RBMS3: variants seen among roughly 807,000 people sequenced by gnomAD.
The protein encoded by RBMS3 is RNA-binding motif, single-stranded-interacting protein 3.
RBMS3 carries 27 observed loss-of-function variants against 66.8 expected under a neutral mutation model. That is an observed-to-expected ratio of 0.40 (90% CI 0.30 to 0.56). The LOEUF (loss-of-function observed/expected upper bound fraction) is 0.56. Ranked by LOEUF, RBMS3 falls within the 20% of genes least tolerant of loss-of-function variation. The pLI, the probability that RBMS3 is intolerant of heterozygous loss-of-function variation, is 0.40. For synonymous variants in RBMS3, 188 were observed against 183.0 expected (o/e 1.03, Z -0.22); for missense variants, 513 against 549.5 (o/e 0.93, Z 0.66).
chr3:29,584,257 T>C (rs1250126088), intron 3 of RBMS3, among the ~76,000 whole-genome samples: 1 of 151,988 alleles, frequency 6.6e-6, no homozygotes, highest in Non-Finnish European at 1.5e-5. Context: ...AGACATCTGA[T>C]TCCCTTTTCA....
chr3:29,981,831 G>A (rs773199034), intron 12 of RBMS3, among the ~76,000 whole-genome samples: 2 of 152,148 alleles, frequency 1.3e-5, no homozygotes, highest in Admixed American at 6.5e-5. Context: ...CAGTTTGCCA[G>A]TATTTTATTG....
chr3:29,946,279 A>C (rs909371978), intron 12 of RBMS3, among the ~76,000 whole-genome samples: 8 of 151,706 alleles, frequency 5.3e-5, no homozygotes, highest in Non-Finnish European at 1.0e-4. Context: ...AGGCAATAGC[A>C]TTGTAATATC....
intron 6 of RBMS3, among the ~76,000 whole-genome samples, chr3:29,801,824 T>C (rs78201888): frequency 0.078 from 11,853 of 152,178 alleles, 523 homozygotes; most frequent in African/African-American, 0.12. Flanking sequence ...TGGGTTCAAA[T>C]TATACCACTT....
intron 6 of RBMS3, among the ~76,000 whole-genome samples, chr3:29,777,701 G>C (rs922197288): frequency 6.6e-6 from 1 of 151,814 alleles, no homozygotes; most frequent in South Asian, 2.1e-4. Context: ...TTTTTTTAAA[G>C]AGTATTGACC....
At position 29,657,229 on chromosome 3, in the gene RBMS3, C is replaced by A. The variant is rs374075279; in HGVS notation, c.399+70024C>A. Among the ~76,000 whole-genome samples, 10 of 152,204 alleles carry A rather than the reference C, an allele frequency of 6.6e-5. 2 individuals are homozygous for A. The South Asian group carries it at 2.1e-3, about 31-fold the overall frequency. ...GTCATTTGCCCTCCCATTTTATAAT[C>A]TACCAGGTATATGGTTAATTCATTT... On this transcript the variant is annotated intron_variant, in intron 4 of 14. Transcript: ENST00000383767.
At chr3:29,386,480 T>G (rs1397745410) in intron 1 of RBMS3, among the ~76,000 whole-genome samples, 3 of 152,184 alleles carry the variant, frequency 2.0e-5, no homozygotes, top group African/African-American at 7.2e-5. Flanking sequence ...ATACTCTTCT[T>G]TCTTTCATGT....
At chr3:29,565,914 A>T (rs1979271) in intron 3 of RBMS3, among the ~76,000 whole-genome samples, 106,592 of 152,030 alleles carry the variant, frequency 0.7, 38,183 homozygotes, top group African/African-American at 0.85. Context: ...TGCAAATTTA[A>T]AAGATTCTAT....
chr3:29,946,231 G>T (rs557707638), intron 12 of RBMS3, among the ~76,000 whole-genome samples: 44 of 151,744 alleles, frequency 2.9e-4, no homozygotes, highest in Middle Eastern at 3.4e-3. Context: ...AATTGAATCT[G>T]CTTTTCTCAA....
chr3:29,379,739 A>G (rs2038671752), intron 1 of RBMS3, among the ~76,000 whole-genome samples: 2 of 152,332 alleles, frequency 1.3e-5, no homozygotes, highest in South Asian at 4.1e-4. Context: ...GACTGAACGT[A>G]TTTGCTAAAT....
At chr3:29,982,629 G>T (rs181234657) in intron 12 of RBMS3, among the ~76,000 whole-genome samples, 286 of 152,108 alleles carry the variant, frequency 1.9e-3, no homozygotes, top group Middle Eastern at 3.4e-3. Context: ...GTTCTCATTG[G>T]TTCAAAGAAG....
chr3:29,381,135 G>C (rs570325505), intron 1 of RBMS3, among the ~76,000 whole-genome samples: 10 of 152,234 alleles, frequency 6.6e-5, no homozygotes, highest in African/African-American at 2.4e-4. Context: ...GTGAGTATGA[G>C]AGAAAGATCC....
At chr3:29,580,785 T>C (rs531297451) in intron 3 of RBMS3, among the ~76,000 whole-genome samples, 100 of 152,068 alleles carry the variant, frequency 6.6e-4, no homozygotes, top group African/African-American at 2.3e-3. Flanking sequence ...GATGTCTTAT[T>C]TTAGTATTTC....
intron 1 of RBMS3, among the ~76,000 whole-genome samples, chr3:29,288,615 T>G (rs903630968): frequency 2.0e-5 from 3 of 152,084 alleles, no homozygotes; most frequent in Non-Finnish European, 4.4e-5. Flanking sequence ...TAAATGGTTA[T>G]GCATGTTTGG....
chr3:29,477,349 C>T (rs1486277938), intron 2 of RBMS3, among the ~76,000 whole-genome samples: 1 of 152,148 alleles, frequency 6.6e-6, no homozygotes, highest in Non-Finnish European at 1.5e-5. Flanking sequence ...CCATAGCCAT[C>T]CTAATCATCT....
intron 1 of RBMS3, among the ~76,000 whole-genome samples, chr3:29,362,322 C>A (rs1388595070): frequency 6.7e-6 from 1 of 149,994 alleles, no homozygotes; most frequent in African/African-American, 2.5e-5. Flanking sequence ...ACTCCAGACC[C>A]TGTTTGCCTG....
intron 10 of RBMS3, chr3:29,925,180 GA>G (rs1439244191): frequency 1.1e-4 from 16 of 152,300 alleles, no homozygotes; most frequent in Admixed American, 2.0e-4. Flanking sequence ...TAGCACTTTT[GA>G]TTAATCAAGT....
chr3:29,652,527 G>A (rs945573990), intron 4 of RBMS3, among the ~76,000 whole-genome samples: 3 of 152,054 alleles, frequency 2.0e-5, no homozygotes, highest in Non-Finnish European at 4.4e-5. Context: ...TGATCTTGGG[G>A]AGGAGTTGAC....
At chr3:29,993,436 A>C (rs1413390879) in intron 14 of RBMS3, among the ~76,000 whole-genome samples, 1 of 152,196 alleles carries the variant, frequency 6.6e-6, no homozygotes, top group Non-Finnish European at 1.5e-5. Context: ...TTATGTGACC[A>C]TTTGACTGAG....
intron 1 of RBMS3, among the ~76,000 whole-genome samples, chr3:29,325,202 G>A (rs2035248262): frequency 1.3e-5 from 2 of 152,104 alleles, no homozygotes; most frequent in African/African-American, 4.8e-5. Context: ...ACATAGTGCA[G>A]AACATTTGTA....
Sources: gnomAD v4.1 joint callset for allele counts (sites outside exome capture counted in the v4.1 genomes callset) on GRCh38, gnomAD v4.1.1 for gene constraint, MANE v1.5 for transcripts, NCBI Gene and HGNC (gene_info 2026-07-23, HGNC 2026-07-21) for gene names.